Variants in PTPRD observed in about 807,000 individuals in gnomAD.
PTPRD encodes the protein receptor-type tyrosine-protein phosphatase delta.
A neutral mutation model predicts 214.5 loss-of-function variants in PTPRD; 34 were observed. That is an observed-to-expected ratio of 0.16 (90% CI 0.12 to 0.21). PTPRD has a LOEUF of 0.21. Among genes scored for constraint, PTPRD ranks in the 10% least tolerant of loss-of-function variants. The pLI is 1.00. For synonymous variants in PTPRD, 1,128 were observed against 845.7 expected (o/e 1.33, Z -5.79); for missense variants, 2,545 against 2,398.7 (o/e 1.06, Z -1.27).
intron 35 of PTPRD, among the ~76,000 whole-genome samples, chr9:8,405,197 A>G (rs1192356355): frequency 6.6e-6 from 1 of 152,200 alleles, no homozygotes; most frequent in East Asian, 1.9e-4. Flanking sequence ...TAAGACCAAT[A>G]TTACAAGGCA....
intron 39 of PTPRD, among the ~76,000 whole-genome samples, chr9:8,355,427 G>A (rs1454724409): frequency 1.1e-5 from 1 of 94,368 alleles, no homozygotes; most frequent in Non-Finnish European, 3.0e-5. Flanking sequence ...TTGGTCTATG[G>A]TTGACCTTTT....
chr9:10,257,984 G>C (rs1041151174), intron 3 of PTPRD, among the ~76,000 whole-genome samples: 2 of 152,148 alleles, frequency 1.3e-5, no homozygotes, highest in African/African-American at 4.8e-5. Context: ...GGAAGGGAAG[G>C]AGAAGGTAGG....
chr9:8,605,205 G>A (rs1389781592), intron 14 of PTPRD, among the ~76,000 whole-genome samples: 2 of 152,102 alleles, frequency 1.3e-5, no homozygotes, highest in Non-Finnish European at 2.9e-5. Context: ...AAATAATGAA[G>A]TTGGAAAAAT....
chr9:8,635,181 A>C (rs1315682035), intron 13 of PTPRD, among the ~76,000 whole-genome samples: 1 of 150,730 alleles, frequency 6.6e-6, no homozygotes, highest in Non-Finnish European at 1.5e-5. Flanking sequence ...TTTACCCCAA[A>C]GGTGTTTATA....
At chr9:9,425,572 A>G (rs1469989636) in intron 8 of PTPRD, among the ~76,000 whole-genome samples, 2 of 57,668 alleles carry the variant, frequency 3.5e-5, no homozygotes, top group Non-Finnish European at 7.2e-5. Flanking sequence ...ATCAGAATAG[A>G]CAGTTCACAG....
At chr9:9,396,068 T>A (rs986020541) in intron 9 of PTPRD, among the ~76,000 whole-genome samples, 2 of 152,056 alleles carry the variant, frequency 1.3e-5, no homozygotes, top group African/African-American at 2.4e-5. Flanking sequence ...AATTAGGTAA[T>A]AAGAGGGAAA....
At chr9:8,362,538 T>C (rs145597235) in intron 39 of PTPRD, among the ~76,000 whole-genome samples, 1,998 of 152,280 alleles carry the variant, frequency 0.013, 36 homozygotes, top group African/African-American at 0.046. Context: ...CTCTGCCCAA[T>C]TGATTAGAAT....
In PTPRD at chr9:10,560,128, A is replaced by C. The variant is rs1252373927; in HGVS notation, c.-600+52270T>G. Among the ~76,000 whole-genome samples the C allele has an allele frequency of 2.0e-5, 3 of 152,186 alleles. No individual in the cohort carries two copies. The East Asian group carries it at 5.8e-4, about 29-fold the overall frequency. ...GCACACGTATGTTTATCGCGGCACTATTCACAATAGCAAAGACATGGAACC... is the reference window on the plus strand; with the variant it reads ...GCACACGTATGTTTATCGCGGCACTCTTCACAATAGCAAAGACATGGAACC... On this transcript the variant is annotated intron_variant, in intron 2 of 45. Transcript: ENST00000381196.
At chr9:10,541,826 G>A (rs912617204) in intron 2 of PTPRD, among the ~76,000 whole-genome samples, 1 of 151,908 alleles carries the variant, frequency 6.6e-6, no homozygotes, top group Non-Finnish European at 1.5e-5. Flanking sequence ...TCCAAAATGG[G>A]TTAAATATAT....
intron 5 of PTPRD, among the ~76,000 whole-genome samples, chr9:9,811,978 C>T (rs1471663188): frequency 2.0e-5 from 3 of 152,130 alleles, no homozygotes; most frequent in African/African-American, 4.8e-5. Flanking sequence ...AAAAAATGCA[C>T]CAGCTACTTC....
chr9:8,331,847 G>A, intron 43 of PTPRD, 111 bp from the exon 44 acceptor site: 1 of 1,302,178 alleles, frequency 7.7e-7, no homozygotes, highest in African/African-American at 1.5e-5. Flanking sequence ...AAAAAGGGTA[G>A]AAAAAGTTAG....
intron 6 of PTPRD, among the ~76,000 whole-genome samples, chr9:9,764,933 C>T (rs2098694101): frequency 1.3e-5 from 2 of 152,038 alleles, no homozygotes; most frequent in Admixed American, 1.3e-4. Flanking sequence ...ACAGCAGGCT[C>T]GAGGTTGAAG....
chr9:8,844,212 C>A (rs936108087), intron 11 of PTPRD, among the ~76,000 whole-genome samples: 1 of 152,106 alleles, frequency 6.6e-6, no homozygotes, highest in Non-Finnish European at 1.5e-5. Context: ...TGGATACAAT[C>A]TTTTATCTAT....
intron 3 of PTPRD, among the ~76,000 whole-genome samples, chr9:10,092,800 A>G (rs2098445621): frequency 6.6e-6 from 1 of 151,534 alleles, no homozygotes; most frequent in African/African-American, 2.4e-5. Context: ...ATAAAGTCAC[A>G]TACCTACAAC....
intron 11 of PTPRD, among the ~76,000 whole-genome samples, chr9:8,749,630 G>T (rs1372901241): frequency 6.6e-6 from 1 of 152,156 alleles, no homozygotes; most frequent in Non-Finnish European, 1.5e-5. Context: ...TGTTGTTTGG[G>T]ATTTTCAGAC....
chr9:8,720,183 C>A (rs2098477201), intron 12 of PTPRD, among the ~76,000 whole-genome samples: 1 of 152,216 alleles, frequency 6.6e-6, no homozygotes, highest in South Asian at 2.1e-4. Flanking sequence ...GCCAAGATGG[C>A]TTGGCTCTTA....
At chr9:9,651,979 C>T (rs2096370887) in intron 7 of PTPRD, among the ~76,000 whole-genome samples, 1 of 151,206 alleles carries the variant, frequency 6.6e-6, no homozygotes, top group Non-Finnish European at 1.5e-5. Flanking sequence ...GGACCACAGG[C>T]GCCTGCCACC....
At chr9:9,405,474 G>C (rs1358783467) in intron 8 of PTPRD, among the ~76,000 whole-genome samples, 2 of 152,004 alleles carry the variant, frequency 1.3e-5, no homozygotes, top group Admixed American at 6.6e-5. Flanking sequence ...AAATAGAACT[G>C]TGTAGATAGA....
chr9:9,458,002 A>T (rs1434155708), intron 8 of PTPRD, among the ~76,000 whole-genome samples: 1 of 152,132 alleles, frequency 6.6e-6, no homozygotes, highest in East Asian at 1.9e-4. Flanking sequence ...GTGGTTTCAC[A>T]TTATGTTTAA....
Sources: allele counts gnomAD v4.1 joint callset (sites outside exome capture counted in the v4.1 genomes callset), GRCh38; gene constraint gnomAD v4.1.1; transcripts MANE v1.5; gene names NCBI Gene and HGNC (gene_info 2026-07-23, HGNC 2026-07-21).